The following SDR16C5 variants were observed in gnomAD, a reference collection of about 807,000 sequenced individuals.
SDR16C5 encodes the protein short chain dehydrogenase/reductase family 16C member 5.
In SDR16C5, 20 loss-of-function variants were observed where a neutral mutation model predicts 27.7. The observed-to-expected ratio is 0.72, with a 90% CI of 0.51 to 1.05. SDR16C5 has a LOEUF of 1.05. SDR16C5 is among the 50% of genes least tolerant of loss of function. The pLI, the probability that SDR16C5 is intolerant of heterozygous loss-of-function variation, is 0.00. For synonymous variants in SDR16C5, 139 were observed against 132.3 expected, an observed-to-expected ratio of 1.05 and a Z score of -0.35; for missense variants, 374 against 366.3, an observed-to-expected ratio of 1.02 and a Z score of -0.17.
chr8:56,316,292 A>G lies in SDR16C5; in HGVS notation c.56T>C (p.Leu19Pro). The G allele has an allele frequency of 6.2e-7, 1 of 1,613,984 alleles. No homozygotes were observed. Among genetic ancestry groups the G allele is most frequent in the Non-Finnish European group, 8.5e-7 (1 of 1,179,810 alleles). Reference sequence around the variant, plus strand: ...AATCATAGCCTCCAGAAGACTAAACAGTGATTTTCCTAAGAAAATGAACAG... The same window carrying G: ...AATCATAGCCTCCAGAAGACTAAACGGTGATTTTCCTAAGAAAATGAACAG... ...KKLFIFLGKS[L>P]FSLLEAMIFA... is the part of the protein sequence containing the mutation. The change falls in exon 2 of 7, where the codon CTG becomes CCG. Residue 19 changes from leucine to proline, a missense_variant. Transcript: ENST00000303749.
Position 56,317,663 on chromosome 8 carries a change from G to A in SDR16C5, c.-14-1302C>T, listed in dbSNP as rs149282017. Among the ~76,000 whole-genome samples the A allele has an allele frequency of 1.5e-3, 236 of 152,352 alleles. 2 individuals are homozygous for A. The highest frequency in any genetic ancestry group is 5.3e-3 in the African/African-American group (221 of 41,584). ...GTAAGGGTGGATAGATTCATCTACA[G>A]GAGGACTTGGTATGTGGTCACACCC... is the stretch of plus-strand genomic sequence containing the variant. On this transcript the variant is annotated intron_variant, in intron 1 of 6. Coordinates refer to ENST00000303749, the MANE Select transcript of SDR16C5 (RefSeq NM_138969.4).
In SDR16C5 at chr8:56,301,508, C is replaced by G; in HGVS notation, c.902G>C (p.Gly301Ala). 6.2e-7 allele frequency: 1 copy of G among 1,614,054 alleles called. No homozygotes were observed. The highest frequency in any genetic ancestry group is 8.5e-7 in the Non-Finnish European group (1 of 1,179,902). Residue 301 changes from glycine to alanine, a missense_variant, in exon 7 of 7, where the codon GGC becomes GCC. Coordinates refer to ENST00000303749, the MANE Select transcript of SDR16C5 (RefSeq NM_138969.4). Reference protein sequence around the residue: ...DYLGILHAMDGFVDQKKKL With the variant: ...DYLGILHAMDAFVDQKKKL ...GAGCTTCTTCTTTTGGTCAACAAAG[C>G]CATCCATTGCATGAAGGATGCCCAA...
intron 3 of SDR16C5, among the ~76,000 whole-genome samples, chr8:56,311,499 T>C (rs1269573349): frequency 6.6e-6 from 1 of 152,062 alleles, no homozygotes; most frequent in East Asian, 1.9e-4. Context: ...GGTGCATGCA[T>C]AGTGTGGGGA....
chr8:56,310,953 A>G (rs1219607263), intron 3 of SDR16C5, among the ~76,000 whole-genome samples: 1 of 152,218 alleles, frequency 6.6e-6, no homozygotes, highest in Non-Finnish European at 1.5e-5. Flanking sequence ...CACCAGCACC[A>G]TTACATTTTT....
chr8:56,317,500 G>A (rs959189660), intron 1 of SDR16C5, among the ~76,000 whole-genome samples: 3 of 152,198 alleles, frequency 2.0e-5, no homozygotes, highest in African/African-American at 7.2e-5. Context: ...CTGTGCTGGG[G>A]GTGGGAGCCT....
chr8:56,314,595 C>G (rs1815140770), intron 2 of SDR16C5, among the ~76,000 whole-genome samples: 1 of 152,194 alleles, frequency 6.6e-6, no homozygotes, highest in African/African-American at 2.4e-5. Flanking sequence ...TTCTAAGTAG[C>G]TGAATTTGTG....
chr8:56,303,289 C>T (rs1160858901), intron 6 of SDR16C5, among the ~76,000 whole-genome samples: 4 of 148,516 alleles, frequency 2.7e-5, no homozygotes, highest in Non-Finnish European at 4.5e-5. Flanking sequence ...CACTCCAGCC[C>T]GGGTGATGAG....
intron 6 of SDR16C5, among the ~76,000 whole-genome samples, chr8:56,301,879 A>G (rs1406008387): frequency 6.6e-6 from 1 of 152,148 alleles, no homozygotes; most frequent in East Asian, 1.9e-4. Context: ...TCCTGTAGGC[A>G]TGCGCTTTGG....
At chr8:56,304,480 T>G (rs949044862) in intron 6 of SDR16C5, among the ~76,000 whole-genome samples, 1 of 151,840 alleles carries the variant, frequency 6.6e-6, no homozygotes, top group Non-Finnish European at 1.5e-5. Context: ...TCAGTGCCTA[T>G]GAATTTCAGC....
intron 3 of SDR16C5, among the ~76,000 whole-genome samples, chr8:56,310,086 AGAAGGAGGAAGAGGAG>A (rs1814986852): frequency 7.0e-6 from 1 of 142,762 alleles, no homozygotes; most frequent in Non-Finnish European, 1.5e-5. Context: ...AGGAAGAAGA[AGAAGGAGGAAGAGGAG>A]GAAGGAGGAG....
At chr8:56,303,020 A>T (rs538350555) in intron 6 of SDR16C5, among the ~76,000 whole-genome samples, 5 of 150,268 alleles carry the variant, frequency 3.3e-5, no homozygotes, top group Admixed American at 1.3e-4. Context: ...AAAAAACAAC[A>T]ACGTAAATCT....
chr8:56,308,798 T>A, intron 4 of SDR16C5, 130 bp downstream of exon 4: 1 of 607,106 alleles, frequency 1.6e-6, no homozygotes, highest in South Asian at 2.5e-5. Flanking sequence ...TATCAACCAC[T>A]TATTGACTAT....
At chr8:56,310,384 C>G (rs1331729935) in intron 3 of SDR16C5, among the ~76,000 whole-genome samples, 2 of 133,706 alleles carry the variant, frequency 1.5e-5, no homozygotes, top group Non-Finnish European at 3.3e-5. Flanking sequence ...GAGAGACAGA[C>G]ACCATGAAGG....
chr8:56,307,140 C>A (rs964749287), intron 4 of SDR16C5, among the ~76,000 whole-genome samples: 4 of 152,150 alleles, frequency 2.6e-5, no homozygotes, highest in African/African-American at 4.8e-5. Context: ...TTACATGGTG[C>A]CTTGTCTCAA....
chr8:56,307,241 G>A (rs776079938), intron 4 of SDR16C5, among the ~76,000 whole-genome samples: 30 of 152,108 alleles, frequency 2.0e-4, no homozygotes, highest in Non-Finnish European at 2.9e-4. Flanking sequence ...AGGCCAGCAT[G>A]GGTTGTGATT....
intron 3 of SDR16C5, chr8:56,309,583 G>T: frequency 1.0e-6 from 1 of 984,690 alleles, no homozygotes; most frequent in South Asian, 4.7e-5. Flanking sequence ...TTGATTGGGG[G>T]CCTGGAGAAA....
rs1451743267 is a variant in SDR16C5 at position 56,306,671 on chromosome 8, C to T, written c.710+5G>A. 2 of 1,594,816 alleles carry T rather than the reference C, an allele frequency of 1.3e-6. No homozygotes were observed. Among genetic ancestry groups the T allele is most frequent in the East Asian group, 2.3e-5 (1 of 44,246 alleles). On this transcript the variant is annotated splice_donor_5th_base_variant and intron_variant, in intron 5 of 6. Transcript: ENST00000303749. ...AGATTCTTTGAAATTAAAGGACATA[C>T]TTACCCTGTAGTACAACCTTCAAAC...
At chr8:56,318,203 T>C (rs1241882800) in intron 1 of SDR16C5, among the ~76,000 whole-genome samples, 2 of 152,240 alleles carry the variant, frequency 1.3e-5, no homozygotes, top group Admixed American at 6.5e-5. Flanking sequence ...TGTCCAGGGC[T>C]GTCCAGAGAA....
chr8:56,300,872 A>C lies in SDR16C5; in HGVS notation c.*608T>G, dbSNP rs1227194871. 1 of 152,372 alleles carries C rather than the reference A, an allele frequency of 6.6e-6. No individual in the cohort carries two copies. The highest frequency in any genetic ancestry group is 1.5e-5 in the Non-Finnish European group (1 of 68,188). 9.4% of individuals were successfully genotyped at this position (152,372 alleles called of 1,614,324 possible). ...ATGCCCGGTAAGGCTCTTGGGCACA[A>C]TAGTGCTGGATGGGCCTTTAGCCAG... is the stretch of plus-strand genomic sequence containing the variant. On this transcript the variant is annotated 3_prime_UTR_variant, in exon 7 of 7. Coordinates refer to ENST00000303749, the MANE Select transcript of SDR16C5 (RefSeq NM_138969.4).
Sources: gnomAD v4.1 joint callset for allele counts (sites outside exome capture counted in the v4.1 genomes callset) on GRCh38, gnomAD v4.1.1 for gene constraint, MANE v1.5 for transcripts, NCBI Gene and HGNC (gene_info 2026-07-23, HGNC 2026-07-21) for gene names.